The following MCTP2 variants were observed in gnomAD, a reference collection of about 807,000 sequenced individuals.
MCTP2 encodes multiple C2 and transmembrane domain-containing protein 2.
A neutral mutation model predicts 111.6 loss-of-function variants in MCTP2; 132 were observed. The observed-to-expected ratio is 1.18, with a 90% CI of 1.03 to 1.37. The LOEUF (loss-of-function observed/expected upper bound fraction) is 1.37. Ranked by LOEUF, MCTP2 falls within the 40% of genes most tolerant of loss-of-function variation. The pLI, the probability that MCTP2 is intolerant of heterozygous loss-of-function variation, is 0.00. For synonymous variants in MCTP2, 395 were observed against 387.7 expected (o/e 1.02, Z -0.22); for missense variants, 1,183 against 1,067.9 (o/e 1.11, Z -1.50).
At chr15:94,371,141 TCTC>T (rs1272412853) in intron 12 of MCTP2, among the ~76,000 whole-genome samples, 2 of 151,710 alleles carry the variant, frequency 1.3e-5, no homozygotes, top group African/African-American at 2.4e-5. Flanking sequence ...AAAAAAAAGT[TCTC>T]CTCACCCTGC....
intron 8 of MCTP2, among the ~76,000 whole-genome samples, chr15:94,345,713 C>G (rs904898392): frequency 6.6e-6 from 1 of 152,110 alleles, no homozygotes; most frequent in Non-Finnish European, 1.5e-5. Context: ...CGCAAGAATG[C>G]ATTATTAATT....
At chr15:94,465,305 GTCTGAAA>G (rs745394312) in intron 20 of MCTP2, among the ~76,000 whole-genome samples, 15 of 152,080 alleles carry the variant, frequency 9.9e-5, no homozygotes, top group Non-Finnish European at 1.8e-4. Flanking sequence ...CCCAGTGGAT[GTCTGAAA>G]TCATGGATAG....
At chr15:94,267,588 A>G (rs1193085880) in intron 1 of MCTP2, among the ~76,000 whole-genome samples, 4 of 152,156 alleles carry the variant, frequency 2.6e-5, no homozygotes, top group African/African-American at 7.2e-5. Flanking sequence ...AGATTGCTGG[A>G]TCATATAAGA....
At position 94,266,590 on chromosome 15, in the gene MCTP2, C is replaced by T. The variant is rs574357570; in HGVS notation, c.-65-31611C>T. Among the ~76,000 whole-genome samples, 25 of 152,294 alleles carry T rather than the reference C, an allele frequency of 1.6e-4. No homozygotes were observed. In the South Asian group the frequency reaches 4.8e-3, roughly 29 times the overall value. On this transcript the variant is annotated intron_variant, in intron 1 of 22. Transcript: ENST00000357742. Reference sequence around the variant, plus strand: ...TTCAGATATTTTCTCCCTGCCCACACTGAGGTACCAACACTCAATTTTGGA... The same window carrying T: ...TTCAGATATTTTCTCCCTGCCCACATTGAGGTACCAACACTCAATTTTGGA...
chr15:94,254,920 C>T (rs2072669493), intron 1 of MCTP2, among the ~76,000 whole-genome samples: 1 of 152,128 alleles, frequency 6.6e-6, no homozygotes, highest in African/African-American at 2.4e-5. Flanking sequence ...TCCTCTAAAG[C>T]TTGAAGTTTT....
At chr15:94,379,852 T>TA (rs2080023948) in intron 12 of MCTP2, among the ~76,000 whole-genome samples, 1 of 144,466 alleles carries the variant, frequency 6.9e-6, no homozygotes, top group African/African-American at 2.5e-5. Context: ...ATATGATATA[T>TA]ATATAATATA....
At chr15:94,354,872 G>A (rs923957949) in intron 8 of MCTP2, among the ~76,000 whole-genome samples, 12 of 152,180 alleles carry the variant, frequency 7.9e-5, no homozygotes, top group African/African-American at 2.7e-4. Flanking sequence ...GCAAATTGGT[G>A]TCTAAATGAT....
At chr15:94,236,535 C>T (rs2070581984) in intron 1 of MCTP2, among the ~76,000 whole-genome samples, 1 of 151,578 alleles carries the variant, frequency 6.6e-6, no homozygotes, top group African/African-American at 2.4e-5. Flanking sequence ...CCTTTACTTC[C>T]CCTCTAGAAA....
intron 1 of MCTP2, among the ~76,000 whole-genome samples, chr15:94,256,589 T>G (rs1596196259): frequency 6.6e-6 from 1 of 152,200 alleles, no homozygotes. Context: ...TTTGATGTCA[T>G]GAGTGAGTAT....
At chr15:94,361,423 G>A (rs975744645) in intron 10 of MCTP2, among the ~76,000 whole-genome samples, 84 of 152,146 alleles carry the variant, frequency 5.5e-4, no homozygotes, top group African/African-American at 1.9e-3. Context: ...TAATCACACT[G>A]TCTGCTAATT....
At chr15:94,320,339 CA>C (rs2076574625) in intron 4 of MCTP2, among the ~76,000 whole-genome samples, 1 of 152,008 alleles carries the variant, frequency 6.6e-6, no homozygotes, top group African/African-American at 2.4e-5. Flanking sequence ...GACAGGGTTT[CA>C]CCGTGTTAGC....
At chr15:94,458,849 G>C (rs1430588513) in intron 20 of MCTP2, among the ~76,000 whole-genome samples, 4 of 152,202 alleles carry the variant, frequency 2.6e-5, no homozygotes, top group Non-Finnish European at 4.4e-5. Flanking sequence ...TGTAAAAGGA[G>C]TAACAGTTAA....
intron 9 of MCTP2, among the ~76,000 whole-genome samples, chr15:94,357,403 A>G (rs1238632403): frequency 6.6e-6 from 1 of 152,208 alleles, no homozygotes; most frequent in African/African-American, 2.4e-5. Context: ...TGCCAGGGTC[A>G]GGCTAAGGAT....
chr15:94,363,492 T>C (rs1433789267), intron 10 of MCTP2, among the ~76,000 whole-genome samples: 3 of 151,878 alleles, frequency 2.0e-5, no homozygotes, highest in African/African-American at 4.8e-5. Context: ...CAGCAAAACA[T>C]AGGCAAAGGT....
intron 14 of MCTP2, among the ~76,000 whole-genome samples, chr15:94,389,385 T>C (rs1381285672): frequency 6.6e-6 from 1 of 152,082 alleles, no homozygotes; most frequent in African/African-American, 2.4e-5. Context: ...TCTCGGTTAC[T>C]GTTTTAGCAG....
intron 14 of MCTP2, among the ~76,000 whole-genome samples, chr15:94,390,092 A>ATATATATATATATATATGTG (rs2080834976): frequency 8.4e-5 from 1 of 11,898 alleles, no homozygotes; most frequent in African/African-American, 2.3e-4. Context: ...ATATATATGT[A>ATATATATATATATATATGTG]TATATATATA....
At position 94,483,053 on chromosome 15, in the gene MCTP2, T is replaced by A. The variant is rs1047416366; in HGVS notation, c.*4019T>A. On this transcript the variant is annotated 3_prime_UTR_variant, in exon 23 of 23. Coordinates refer to ENST00000357742, the MANE Select transcript of MCTP2 (RefSeq NM_001385001.1). The stretch of plus-strand genomic sequence containing the variant: ...CTGAATGGAGGTAACCCTTGAAAAA[T>A]TCCACTGTGGAGAAGAAAGGAGAGA... The A allele has an allele frequency of 2.6e-5, 4 of 151,976 alleles. No homozygotes were observed. The highest frequency in any genetic ancestry group is 5.9e-5 in the Non-Finnish European group (4 of 67,996). The allele number at this position is 151,976 out of a possible 1,614,324, so 9.4% of individuals were successfully genotyped here. A position where few individuals can be genotyped will look rare whatever the true frequency, so the allele number is the denominator to read the frequency against.
chr15:94,476,853 A>C (rs1388352314), intron 22 of MCTP2, 60 bp downstream of exon 22: 2 of 958,304 alleles, frequency 2.1e-6, no homozygotes, highest in East Asian at 4.9e-5. Flanking sequence ...CCAGCCCCGG[A>C]GCCAGAGGAA....
intron 2 of MCTP2, among the ~76,000 whole-genome samples, chr15:94,308,884 G>A (rs2076005396): frequency 6.6e-6 from 1 of 152,194 alleles, no homozygotes; most frequent in African/African-American, 2.4e-5. Flanking sequence ...CTCATGGGAT[G>A]TAATTTACTG....
Sources: gnomAD v4.1 joint callset for allele counts (sites outside exome capture counted in the v4.1 genomes callset) on GRCh38, gnomAD v4.1.1 for gene constraint, MANE v1.5 for transcripts, NCBI Gene and HGNC (gene_info 2026-07-23, HGNC 2026-07-21) for gene names.